The following UHRF2 variants were observed in gnomAD, a reference collection of about 807,000 sequenced individuals.
The protein encoded by UHRF2 is E3 ubiquitin-protein ligase UHRF2.
A neutral mutation model predicts 96.8 loss-of-function variants in UHRF2; 23 were observed. That is an observed-to-expected ratio of 0.24 (90% CI 0.17 to 0.34). UHRF2 has a LOEUF of 0.34. Ranked by LOEUF, UHRF2 falls within the 10% of genes least tolerant of loss-of-function variation. UHRF2 has a pLI of 1.00. For synonymous variants in UHRF2, 385 were observed against 332.6 expected, an observed-to-expected ratio of 1.16 and a Z score of -1.72; for missense variants, 685 against 981.5, an observed-to-expected ratio of 0.70 and a Z score of 4.04.
chr9:6,477,644 C>T lies in UHRF2; in HGVS notation c.996C>T (p.Asp332=). The part of the protein sequence containing the change: ...KFLRRNDPEC[D]LCGGDPEKKC... ...TAGGGCGAAATGACCCTGAATGTGA[C>T]CTGTGTGGTGGAGACCCAGAAAAGA... The change falls in exon 6 of 16, where the codon GAC becomes GAT. Residue 332 remains aspartate (D), a synonymous_variant. Coordinates refer to ENST00000276893, the MANE Select transcript of UHRF2 (RefSeq NM_152896.3). 1 of 1,612,568 alleles carries T rather than the reference C, an allele frequency of 6.2e-7. No individual in the cohort carries two copies.
chr9:6,489,242 G>T (rs868635835), intron 9 of UHRF2, among the ~76,000 whole-genome samples: 5 of 152,226 alleles, frequency 3.3e-5, no homozygotes, highest in Admixed American at 6.5e-5. Flanking sequence ...TGTATCAATA[G>T]TTCATTTCTT....
intron 3 of UHRF2, among the ~76,000 whole-genome samples, chr9:6,439,777 C>CA (rs1821056070): frequency 6.6e-6 from 1 of 152,186 alleles, no homozygotes; most frequent in African/African-American, 2.4e-5. Context: ...GCACATACAA[C>CA]TTGGCTGTGA....
At chr9:6,433,337 T>G in intron 2 of UHRF2, among the ~76,000 whole-genome samples, 1 of 152,220 alleles carries the variant, frequency 6.6e-6, no homozygotes, top group Non-Finnish European at 1.5e-5. Flanking sequence ...TCTTTGTTCT[T>G]TGAGGTGGTA....
chr9:6,470,072 A>G (rs1398997300), intron 4 of UHRF2, among the ~76,000 whole-genome samples: 1 of 152,162 alleles, frequency 6.6e-6, no homozygotes, highest in Non-Finnish European at 1.5e-5. Context: ...TGAAAATACT[A>G]ATTTAAAAAC....
rs924368679 is a variant in UHRF2 at position 6,493,296 on chromosome 9, T to TAA, written c.1498-520_1498-519dup. ...CTGGGTGACAGAGCAAGACTCTGTT[T>TAA]AAAAAAAAAAAGTTAAGGTGAAGTT... On this transcript the variant is annotated intron_variant, in intron 9 of 15. Transcript: ENST00000276893. Among the ~76,000 whole-genome samples the TAA allele has an allele frequency of 7.4e-5, 11 of 148,294 alleles. No individual in the cohort carries two copies. In the East Asian group the frequency reaches 2.2e-3, roughly 29 times the overall value.
intron 4 of UHRF2, among the ~76,000 whole-genome samples, chr9:6,461,217 C>G (rs1269770276): frequency 6.6e-6 from 1 of 152,156 alleles, no homozygotes; most frequent in Non-Finnish European, 1.5e-5. Context: ...AGTGATTTTT[C>G]ACCTTACAGA....
chr9:6,498,941 C>T lies in UHRF2; in HGVS notation c.1908+783C>T, dbSNP rs1237399670. ...ACCCAGGCAGGTGAGTGTGTGTCTT[C>T]TAATGCAAGTCTGTTTCTGTTTTTG... On this transcript the variant is annotated intron_variant, in intron 12 of 15. Coordinates refer to ENST00000276893, the MANE Select transcript of UHRF2 (RefSeq NM_152896.3). 2.6e-5 allele frequency: 4 copies of T among 152,330 alleles called. No homozygotes were observed. In the East Asian group the frequency reaches 5.8e-4, roughly 22 times the overall value. The allele number at this position is 152,330 out of a possible 1,614,324, so 9.4% of individuals were successfully genotyped here.
At position 6,413,504 on chromosome 9, in the gene UHRF2, T is replaced by C; in HGVS notation, c.14T>C (p.Val5Ala). 1 of 1,578,644 alleles carries C rather than the reference T, an allele frequency of 6.3e-7. No individual in the cohort carries two copies. The highest frequency in any genetic ancestry group is 2.5e-5 in the East Asian group (1 of 40,320). The change falls in exon 1 of 16, where the codon GTT becomes GCT. Residue 5 changes from valine to alanine, a missense_variant. Physicochemically the swap from Val to Ala is moderately conservative, Grantham distance 64. This residue lies in a region of UHRF2 where 38 missense variants were observed against 35.9 expected (regional missense o/e 1.06). Transcript: ENST00000276893. MWIQ[V>A]RTIDGSKTCT... ...CTAGGCGCCAAGATGTGGATACAGG[T>C]TCGCACCATTGATGGCTCCAAGACG...
chr9:6,413,696 C>T (rs1819422281), intron 1 of UHRF2, 53 bp downstream of exon 1: 1 of 1,453,198 alleles, frequency 6.9e-7, no homozygotes, highest in Non-Finnish European at 9.1e-7. Context: ...AACAGCTGGG[C>T]TCCTCTGGAC....
chr9:6,461,784 T>C (rs961922605), intron 4 of UHRF2, among the ~76,000 whole-genome samples: 2 of 152,328 alleles, frequency 1.3e-5, no homozygotes, highest in African/African-American at 2.4e-5. Flanking sequence ...ACTCTTTTTC[T>C]GTGTCTGCTG....
In UHRF2 at chr9:6,413,280, C is replaced by G; in HGVS notation, c.-211C>G. On this transcript the variant is annotated 5_prime_UTR_variant, in exon 1 of 16. Coordinates refer to ENST00000276893, the MANE Select transcript of UHRF2 (RefSeq NM_152896.3). ...TCTGCGGCAGCGCCTCAGAGTGGTT[C>G]CGGTCGTCTCTCCTCAAGTCGGCTA... The G allele has an allele frequency of 4.2e-6, 1 of 236,150 alleles. No individual in the cohort carries two copies. The highest frequency in any genetic ancestry group is 7.8e-6 in the Non-Finnish European group (1 of 128,608). 14.6% of individuals were successfully genotyped at this position (236,150 alleles called of 1,614,324 possible). A position where few individuals can be genotyped will look rare whatever the true frequency, so the allele number is the denominator to read the frequency against.
intron 8 of UHRF2, among the ~76,000 whole-genome samples, chr9:6,485,275 A>G (rs1369050116): frequency 6.6e-6 from 1 of 152,228 alleles, no homozygotes; most frequent in Non-Finnish European, 1.5e-5. Flanking sequence ...CTATAAATAT[A>G]GTAAAAATAC....
At chr9:6,420,770 G>C in intron 1 of UHRF2, 142 bp from the exon 2 acceptor site, 1 of 637,002 alleles carries the variant, frequency 1.6e-6, no homozygotes, top group South Asian at 1.9e-5. Flanking sequence ...GACATCAGAG[G>C]CCATTAAGTA....
intron 3 of UHRF2, among the ~76,000 whole-genome samples, chr9:6,447,807 C>T (rs1261521880): frequency 6.6e-6 from 1 of 152,102 alleles, no homozygotes; most frequent in African/African-American, 2.4e-5. Context: ...CCAGAGAAAA[C>T]TGAAACCTAT....
intron 2 of UHRF2, among the ~76,000 whole-genome samples, chr9:6,425,707 G>A (rs535170997): frequency 6.6e-6 from 1 of 152,268 alleles, no homozygotes; most frequent in Admixed American, 6.5e-5. Flanking sequence ...AGGTTACGGG[G>A]AGCCGAGATC....
intron 3 of UHRF2, among the ~76,000 whole-genome samples, chr9:6,450,291 G>T: frequency 6.8e-6 from 1 of 147,220 alleles, no homozygotes; most frequent in Non-Finnish European, 1.5e-5. Context: ...TCTATCTACA[G>T]ATTTCTTCCC....
chr9:6,473,989 C>A (rs1386837907), intron 4 of UHRF2, among the ~76,000 whole-genome samples: 1 of 152,028 alleles, frequency 6.6e-6, no homozygotes, highest in East Asian at 1.9e-4. Context: ...AAAGAGATGG[C>A]ATGTGAATTT....
At position 6,461,395 on chromosome 9, in the gene UHRF2, C is replaced by G. The variant is rs1018865859; in HGVS notation, c.863+604C>G. On this transcript the variant is annotated intron_variant, in intron 4 of 15. Transcript: ENST00000276893. ...CCCCCTCCTCCTTCTCTCCTCCCCC[C>G]CGCCCCTTGTTCTGTCACCCAGGCT... Among the ~76,000 whole-genome samples, 3 of 133,058 alleles carry G rather than the reference C, an allele frequency of 2.3e-5. No individual in the cohort carries two copies. In the South Asian group the frequency reaches 8.7e-4, roughly 39 times the overall value. The allele number at this position is 133,058 out of a possible 152,430, so 87.3% of individuals were successfully genotyped here.
intron 3 of UHRF2, among the ~76,000 whole-genome samples, chr9:6,450,296 C>G (rs1821777516): frequency 1.5e-5 from 2 of 135,496 alleles, no homozygotes; most frequent in South Asian, 5.1e-4. Context: ...CTACAGATTT[C>G]TTCCCCTTCC....
Sources: gnomAD v4.1 joint callset for allele counts (sites outside exome capture counted in the v4.1 genomes callset) on GRCh38, gnomAD v4.1.1 for gene constraint, gnomAD v4.1.1 regional missense constraint, MANE v1.5 for transcripts, NCBI Gene and HGNC (gene_info 2026-07-23, HGNC 2026-07-21) for gene names.